SUGP2: variants seen among roughly 807,000 people sequenced by gnomAD.
The protein encoded by SUGP2 is SURP and G-patch domain-containing protein 2.
A neutral mutation model predicts 90.5 loss-of-function variants in SUGP2; 24 were observed. The observed-to-expected ratio is 0.27, with a 90% CI of 0.19 to 0.37. The LOEUF (loss-of-function observed/expected upper bound fraction) is 0.37. SUGP2 is among the 10% of genes least tolerant of loss of function. The probability of loss-of-function intolerance (pLI) is 1.00; values close to 1 mark genes in which losing one functional copy is unlikely to be tolerated. For synonymous variants in SUGP2, 473 were observed against 513.4 expected, an observed-to-expected ratio of 0.92 and a Z score of 1.06; for missense variants, 1,233 against 1,363.3, an observed-to-expected ratio of 0.90 and a Z score of 1.51.
chr19:18,996,296 G>A (rs1027813358), intron 8 of SUGP2, among the ~76,000 whole-genome samples: 3 of 152,130 alleles, frequency 2.0e-5, no homozygotes, highest in Admixed American at 1.3e-4. Context: ...CTTGTGAGGC[G>A]GAGGCATGAG....
At chr19:19,022,978 C>T (rs1004224289) in intron 3 of SUGP2, among the ~76,000 whole-genome samples, 3 of 152,164 alleles carry the variant, frequency 2.0e-5, no homozygotes, top group Non-Finnish European at 4.4e-5. Context: ...CATGTGTGCT[C>T]GTGACCTCTG....
chr19:19,009,745 T>G, intron 5 of SUGP2, 110 bp downstream of exon 5: 1 of 1,406,958 alleles, frequency 7.1e-7, no homozygotes, highest in Non-Finnish European at 9.5e-7. Context: ...CCCTAGAGCT[T>G]TTATCCACTG....
chr19:19,000,948 G>C (rs1202476718), intron 8 of SUGP2, among the ~76,000 whole-genome samples: 3 of 151,636 alleles, frequency 2.0e-5, no homozygotes, highest in African/African-American at 7.3e-5. Flanking sequence ...CAAGCGATCT[G>C]CCCACTTTGG....
chr19:19,006,221 AAAAT>A (rs71168790), intron 6 of SUGP2, among the ~76,000 whole-genome samples: 2 of 150,680 alleles, frequency 1.3e-5, no homozygotes, highest in Admixed American at 6.6e-5. Context: ...TTCCGTCTCA[AAAAT>A]AAATAAATAA....
intron 4 of SUGP2, among the ~76,000 whole-genome samples, chr19:19,013,764 G>A (rs1265763373): frequency 6.6e-6 from 1 of 152,174 alleles, no homozygotes; most frequent in Non-Finnish European, 1.5e-5. Flanking sequence ...GACCTGGTGG[G>A]CTCTCCCTGG....
chr19:19,004,145 T>C (rs753804041), intron 7 of SUGP2, 23 bp downstream of exon 7: 8 of 1,514,972 alleles, frequency 5.3e-6, no homozygotes, highest in Non-Finnish European at 7.1e-6. Context: ...TAGAGGCAAC[T>C]GTGCCGACAG....
rs759643188 is a variant in SUGP2, at chr19:19,004,458, G to A, written c.2639C>T (p.Pro880Leu). The change falls in exon 7 of 11, where the codon CCG becomes CTG. Residue 880 changes from proline (P) to leucine (L), a missense_variant. By Grantham distance (98) the Pro-to-Leu change is moderately conservative. Around this residue, in one of 8 missense-constraint regions of SUGP2, gnomAD observed 540 missense variants for 542.6 expected, o/e 1.00. Coordinates refer to ENST00000452918, the MANE Select transcript of SUGP2 (RefSeq NM_001017392.5). ...GEAEFEDEPPPREAELESPEV... is the reference protein window; with the variant it reads ...GEAEFEDEPPLREAELESPEV... ...TGGGCTCTCCAGCTCAGCCTCCCGC[G>A]GAGGGGGCTCGTCTTCAAACTCTGC... 1.1e-5 allele frequency: 18 copies of A among 1,614,036 alleles called. No homozygotes were observed. Among genetic ancestry groups the A allele is most frequent in the African/African-American group, 6.7e-5 (5 of 74,926 alleles).
In SUGP2 at chr19:19,010,124, C is replaced by T. The variant is rs1435630099; in HGVS notation, c.2069G>A (p.Gly690Asp). The T allele has an allele frequency of 6.2e-7, 1 of 1,612,040 alleles. No homozygotes were observed. The highest frequency in any genetic ancestry group is 8.5e-7 in the Non-Finnish European group (1 of 1,179,838). ...RGLLRAQGLR[G>D]WKARRATTGT... ...GGTGGTCGCTCTCCTCGCCTTCCAG[C>T]CCCGGAGCCCTTGAGCACGGAGGAG... The change falls in exon 5 of 11, where the codon GGC becomes GAC. Residue 690 changes from glycine to aspartate, a missense_variant. Coordinates refer to ENST00000452918, the MANE Select transcript of SUGP2 (RefSeq NM_001017392.5).
Position 19,025,501 on chromosome 19 carries a change from C to T in SUGP2, c.847G>A (p.Gly283Arg). Reference protein sequence around the residue: ...KNTPSPDVTLGTNPGTEDIQF... With the variant: ...KNTPSPDVTLRTNPGTEDIQF... Reference sequence around the variant, plus strand: ...ATATCTTCTGTCCCTGGGTTTGTCCCCAGGGTCACATCAGGACTTGGAGTG... The same window carrying T: ...ATATCTTCTGTCCCTGGGTTTGTCCTCAGGGTCACATCAGGACTTGGAGTG... The change falls in exon 3 of 11, where the codon GGG (glycine) becomes AGG (arginine). Residue 283 changes from glycine to arginine, a missense_variant. Around this residue, in one of 8 missense-constraint regions of SUGP2, gnomAD observed 418 missense variants for 399.9 expected, o/e 1.05. Coordinates refer to ENST00000452918, the MANE Select transcript of SUGP2 (RefSeq NM_001017392.5). 12 of 1,614,042 alleles carry T rather than the reference C, an allele frequency of 7.4e-6. No homozygotes were observed. Among genetic ancestry groups the T allele is most frequent in the Non-Finnish European group, 1.0e-5 (12 of 1,180,000 alleles).
At position 19,004,562 on chromosome 19, in the gene SUGP2, T is replaced by G. The variant is rs764681423; in HGVS notation, c.2535A>C (p.Ser845=). 1 of 1,614,224 alleles carries G rather than the reference T, an allele frequency of 6.2e-7. No homozygotes were observed. The highest frequency in any genetic ancestry group is 8.5e-7 in the Non-Finnish European group (1 of 1,180,034). Residue 845 remains serine (S), a synonymous_variant, in exon 7 of 11, where the codon TCA becomes TCC. Coordinates refer to ENST00000452918, the MANE Select transcript of SUGP2 (RefSeq NM_001017392.5). The part of the protein sequence containing the change: ...FELCPSICFT[S]SPHNLHTGGG... Reference sequence around the variant, plus strand: ...CACCAGTGTGAAGGTTGTGCGGAGATGACGTGAAACAAATTGATGGACATA... The same window carrying G: ...CACCAGTGTGAAGGTTGTGCGGAGAGGACGTGAAACAAATTGATGGACATA...
At chr19:19,020,674 G>A (rs2058690246) in intron 3 of SUGP2, among the ~76,000 whole-genome samples, 1 of 151,698 alleles carries the variant, frequency 6.6e-6, no homozygotes, top group Non-Finnish European at 1.5e-5. Flanking sequence ...TTGGGCTCAA[G>A]AGATCCACCC....
At chr19:19,017,024 T>C (rs1273743074) in intron 4 of SUGP2, among the ~76,000 whole-genome samples, 2 of 152,184 alleles carry the variant, frequency 1.3e-5, no homozygotes, top group Non-Finnish European at 2.9e-5. Flanking sequence ...TGGAAATGTA[T>C]GCCTTTCAAG....
At position 19,033,458 on chromosome 19, in the gene SUGP2, G is replaced by A. The variant is rs779944771; in HGVS notation, c.-33C>T. On this transcript the variant is annotated 5_prime_UTR_variant, in exon 1 of 11. Transcript: ENST00000452918. ...TCACCCCGAGACCACCGCGCGCGGA[G>A]CCACCCCCGCCGCCGCCTCAGGCTC... 7.9e-6 allele frequency: 11 copies of A among 1,398,828 alleles called. 1 individual carries two copies. Among genetic ancestry groups the A allele is most frequent in the South Asian group, 2.7e-5 (2 of 73,780 alleles). 86.7% of individuals were successfully genotyped at this position (1,398,828 alleles called of 1,614,324 possible).
At chr19:19,019,869 G>C (rs553509263) in intron 3 of SUGP2, among the ~76,000 whole-genome samples, 1 of 146,960 alleles carries the variant, frequency 6.8e-6, no homozygotes, top group African/African-American at 2.5e-5. Context: ...AAGGTCAGCC[G>C]GGCACGGTGG....
chr19:19,023,623 G>A (rs549785685), intron 3 of SUGP2, among the ~76,000 whole-genome samples: 1 of 152,274 alleles, frequency 6.6e-6, no homozygotes, highest in East Asian at 1.9e-4. Flanking sequence ...TCCAGGCCAG[G>A]TGCAGTGACT....
At chr19:18,993,941 T>G (rs1164994827) in intron 10 of SUGP2, 1 of 153,930 alleles carries the variant, frequency 6.5e-6, no homozygotes, top group Non-Finnish European at 1.4e-5. Context: ...GCCCTTCCAC[T>G]TGCATGATGG....
intron 5 of SUGP2, among the ~76,000 whole-genome samples, chr19:19,009,111 C>G (rs1033474152): frequency 6.6e-6 from 1 of 152,088 alleles, no homozygotes; most frequent in Non-Finnish European, 1.5e-5. Flanking sequence ...TCGGGTTTCA[C>G]CATGTTGCCC....
intron 5 of SUGP2, among the ~76,000 whole-genome samples, chr19:19,009,111 C>T (rs1033474152): frequency 3.9e-5 from 6 of 152,088 alleles, no homozygotes; most frequent in African/African-American, 1.4e-4. Context: ...TCGGGTTTCA[C>T]CATGTTGCCC....
At position 19,009,929 on chromosome 19, in the gene SUGP2, C is replaced by A; in HGVS notation, c.2264G>T (p.Gly755Val). The change falls in exon 5 of 11, where the codon GGC (glycine) becomes GTC (valine). Residue 755 changes from glycine (G) to valine (V), a missense_variant. Physicochemically the swap from Gly to Val is moderately radical, Grantham distance 109. Around this residue, in one of 8 missense-constraint regions of SUGP2, gnomAD observed 540 missense variants for 542.6 expected, o/e 1.00. Transcript: ENST00000452918. ...SPQDPSLEAS[G>V]PSPKPAGVDI... ...CACTCCTGCTGGCTTGGGGGATGGGCCTGAGGCTTCTAAGCTGGGGTCCTG... is the reference window on the plus strand; with the variant it reads ...CACTCCTGCTGGCTTGGGGGATGGGACTGAGGCTTCTAAGCTGGGGTCCTG... 1 of 1,614,120 alleles carries A rather than the reference C, an allele frequency of 6.2e-7. No individual in the cohort carries two copies. Among genetic ancestry groups the A allele is most frequent in the Non-Finnish European group, 8.5e-7 (1 of 1,180,004 alleles).
Sources: gnomAD v4.1 joint callset for allele counts (sites outside exome capture counted in the v4.1 genomes callset) on GRCh38, gnomAD v4.1.1 for gene constraint, gnomAD v4.1.1 regional missense constraint, MANE v1.5 for transcripts, NCBI Gene and HGNC (gene_info 2026-07-23, HGNC 2026-07-21) for gene names.